The following THSD7A variants were observed in gnomAD, a reference collection of about 807,000 sequenced individuals.
THSD7A encodes the protein thrombospondin type 1 domain containing 7A.
Under a neutral mutation model 231.3 loss-of-function variants are expected in THSD7A, and 96 were observed. The observed-to-expected ratio is 0.41, with a 90% CI of 0.35 to 0.49. The LOEUF (loss-of-function observed/expected upper bound fraction) is 0.49. Among genes scored for constraint, THSD7A ranks in the 20% least tolerant of loss-of-function variants. The pLI, the probability that THSD7A is intolerant of heterozygous loss-of-function variation, is 0.05. For synonymous variants in THSD7A, 940 were observed against 743.3 expected (o/e 1.26, Z -4.30); for missense variants, 2,290 against 2,070.2 (o/e 1.11, Z -2.06).
intron 4 of THSD7A, among the ~76,000 whole-genome samples, chr7:11,563,094 C>G (rs1279802075): frequency 6.6e-6 from 1 of 152,134 alleles, no homozygotes; most frequent in Non-Finnish European, 1.5e-5. Flanking sequence ...TTGCTCAAAG[C>G]TTTTTGGAGA....
chr7:11,536,234 A>G (rs1462957793), intron 6 of THSD7A, among the ~76,000 whole-genome samples: 1 of 152,174 alleles, frequency 6.6e-6, no homozygotes, highest in Non-Finnish European at 1.5e-5. Context: ...TGGGCCCAGA[A>G]GACACTGTTT....
At chr7:11,409,437 G>T (rs1218437348) in intron 19 of THSD7A, among the ~76,000 whole-genome samples, 1 of 152,166 alleles carries the variant, frequency 6.6e-6, no homozygotes, top group African/African-American at 2.4e-5. Context: ...TGTAGTATTT[G>T]CATGTAAGCT....
intron 1 of THSD7A, among the ~76,000 whole-genome samples, chr7:11,797,311 A>C (rs956317147): frequency 1.3e-5 from 2 of 151,630 alleles, no homozygotes; most frequent in Admixed American, 6.6e-5. Flanking sequence ...TCTAATTTCC[A>C]CATTACTCAT....
Position 11,406,290 on chromosome 7 carries a change from C to T in THSD7A, c.4237+10G>A, listed in dbSNP as rs559053205. On this transcript the variant is annotated intron_variant, in intron 22 of 27. Coordinates refer to ENST00000423059, the MANE Select transcript of THSD7A (RefSeq NM_015204.3). The surrounding 1 kb of genome is among the most constrained non-coding windows in gnomAD (Gnocchi z 4.7). ...TAATCAGAATATGAATTCTCCTTTG[C>T]CGTTGTTACCTGGGCAAGGCTGGCT... 9.4e-6 allele frequency: 15 copies of T among 1,597,442 alleles called. No homozygotes were observed. In the Admixed American group the frequency reaches 2.5e-4, roughly 26 times the overall value.
intron 23 of THSD7A, among the ~76,000 whole-genome samples, chr7:11,383,136 C>T (rs920709862): frequency 2.6e-5 from 4 of 151,792 alleles, no homozygotes; most frequent in African/African-American, 9.7e-5. Context: ...TTTCACTATA[C>T]ACACACGCAC....
intron 6 of THSD7A, 52 bp downstream of exon 6, chr7:11,541,359 GTAAAAACA>G: frequency 6.6e-7 from 1 of 1,526,086 alleles, no homozygotes. Context: ...TTAACAGAAA[GTAAAAACA>G]TATATGCAGG....
chr7:11,651,501 A>G (rs1782505205), intron 1 of THSD7A, among the ~76,000 whole-genome samples: 1 of 149,230 alleles, frequency 6.7e-6, no homozygotes, highest in South Asian at 2.1e-4. Flanking sequence ...CTATCTATCT[A>G]TCTATCTATC....
At chr7:11,508,042 A>G (rs905902457) in intron 6 of THSD7A, among the ~76,000 whole-genome samples, 2 of 152,188 alleles carry the variant, frequency 1.3e-5, no homozygotes, top group African/African-American at 4.8e-5. Flanking sequence ...AGAGAGAGAG[A>G]GAGCAGGAAA....
chr7:11,794,101 TA>T (rs936756201), intron 1 of THSD7A, among the ~76,000 whole-genome samples: 7 of 151,970 alleles, frequency 4.6e-5, no homozygotes, highest in Non-Finnish European at 8.8e-5. Context: ...TATATTCCTT[TA>T]CTTAATTATA....
intron 1 of THSD7A, among the ~76,000 whole-genome samples, chr7:11,685,840 C>A (rs1780031235): frequency 6.6e-6 from 1 of 151,866 alleles, no homozygotes; most frequent in Non-Finnish European, 1.5e-5. Flanking sequence ...ATAGAATTAC[C>A]ATTTGACCCA....
intron 4 of THSD7A, among the ~76,000 whole-genome samples, chr7:11,558,953 C>A (rs374298225): frequency 6.7e-5 from 10 of 148,912 alleles, no homozygotes; most frequent in Admixed American, 3.5e-4. Context: ...AGAAGCTTCT[C>A]GAGTGCGTTA....
chr7:11,621,607 C>A (rs1354727571), intron 2 of THSD7A, among the ~76,000 whole-genome samples: 1 of 151,922 alleles, frequency 6.6e-6, no homozygotes. Flanking sequence ...TCATAGAGTT[C>A]CTGTAGACAC....
chr7:11,806,394 T>C (rs1312258688), intron 1 of THSD7A, among the ~76,000 whole-genome samples: 2 of 152,200 alleles, frequency 1.3e-5, no homozygotes, highest in African/African-American at 2.4e-5. Flanking sequence ...CCTTGGACTA[T>C]AGAGTTCAGC....
intron 1 of THSD7A, among the ~76,000 whole-genome samples, chr7:11,776,672 A>T (rs184217805): frequency 5.3e-5 from 8 of 152,362 alleles, no homozygotes; most frequent in African/African-American, 1.9e-4. Flanking sequence ...ATTTGCAAAA[A>T]TTAAGCTTCT....
At chr7:11,439,264 A>G (rs1784728232) in intron 13 of THSD7A, among the ~76,000 whole-genome samples, 1 of 151,998 alleles carries the variant, frequency 6.6e-6, no homozygotes, top group Non-Finnish European at 1.5e-5. Context: ...TTACAGGTAT[A>G]CCTTATTTTA....
chr7:11,807,190 G>A (rs1045498912), intron 1 of THSD7A, among the ~76,000 whole-genome samples: 8 of 152,182 alleles, frequency 5.3e-5, no homozygotes, highest in East Asian at 1.9e-4. Context: ...TCCACTGCAC[G>A]TGGTAATTGG....
intron 6 of THSD7A, among the ~76,000 whole-genome samples, chr7:11,513,807 T>C (rs1348161511): frequency 2.0e-5 from 3 of 152,192 alleles, no homozygotes; most frequent in Non-Finnish European, 4.4e-5. Flanking sequence ...TTCACCTTAA[T>C]TTAAAAAACA....
intron 2 of THSD7A, among the ~76,000 whole-genome samples, chr7:11,624,438 C>A (rs1781415332): frequency 6.6e-6 from 1 of 152,098 alleles, no homozygotes; most frequent in Non-Finnish European, 1.5e-5. Context: ...TCAAGTCATA[C>A]CAGCATCTTG....
intron 1 of THSD7A, among the ~76,000 whole-genome samples, chr7:11,681,851 G>A (rs1466952933): frequency 6.6e-6 from 1 of 151,668 alleles, no homozygotes; most frequent in Non-Finnish European, 1.5e-5. Context: ...CTGAAAGGCA[G>A]CTAGAGAAAG....
Sources: allele counts gnomAD v4.1 joint callset (sites outside exome capture counted in the v4.1 genomes callset), GRCh38; gene constraint gnomAD v4.1.1; non-coding constraint Gnocchi (gnomAD v3.1); transcripts MANE v1.5; gene names NCBI Gene and HGNC (gene_info 2026-07-23, HGNC 2026-07-21).